IPO7: variants seen among roughly 807,000 people sequenced by gnomAD.
The protein encoded by IPO7 is importin 7.
Under a neutral mutation model 136.4 loss-of-function variants are expected in IPO7, and 13 were observed. The observed-to-expected ratio is 0.10, with a 90% CI of 0.06 to 0.15. The LOEUF is 0.15. Ranked by LOEUF, IPO7 falls within the 10% of genes least tolerant of loss-of-function variation. The probability of loss-of-function intolerance (pLI) is 1.00; values close to 1 mark genes in which losing one functional copy is unlikely to be tolerated. For missense variants in IPO7, 857 were observed against 1,240.6 expected (o/e 0.69, Z 4.65); for synonymous variants, 403 against 404.4 (o/e 1.00, Z 0.04).
intron 1 of IPO7, chr11:9,402,731 T>A (rs1854818855): frequency 6.5e-6 from 1 of 154,116 alleles, no homozygotes; most frequent in African/African-American, 2.4e-5. Context: ...ATGGTAGCGC[T>A]AGTCCCAGCT....
chr11:9,436,233 A>C (rs765370360), intron 19 of IPO7, 38 bp from the exon 20 acceptor site: 1 of 1,417,308 alleles, frequency 7.1e-7, no homozygotes, highest in Non-Finnish European at 1.0e-6. Context: ...GATTTAAAGG[A>C]TAAAGCCTTA....
At chr11:9,442,408 T>TTTG (rs1565005877) in intron 24 of IPO7, among the ~76,000 whole-genome samples, 2 of 151,984 alleles carry the variant, frequency 1.3e-5, no homozygotes, top group African/African-American at 4.8e-5. Flanking sequence ...TTTCGTTTTT[T>TTTG]TTTGTTTGTT....
At chr11:9,391,061 C>T (rs191354500) in intron 1 of IPO7, among the ~76,000 whole-genome samples, 1 of 152,138 alleles carries the variant, frequency 6.6e-6, no homozygotes, top group African/African-American at 2.4e-5. Flanking sequence ...TGAATCACAG[C>T]GCCCGGCTGC....
At chr11:9,400,862 G>C (rs1369845151) in intron 1 of IPO7, among the ~76,000 whole-genome samples, 1 of 152,098 alleles carries the variant, frequency 6.6e-6, no homozygotes, top group Non-Finnish European at 1.5e-5. Context: ...GAATGTGTTT[G>C]CAGAGTGGGG....
At chr11:9,392,660 C>G (rs1238788118) in intron 1 of IPO7, among the ~76,000 whole-genome samples, 1 of 151,942 alleles carries the variant, frequency 6.6e-6, no homozygotes. Context: ...TACAAAGTTA[C>G]AGTTTTGGCC....
At chr11:9,395,415 A>G (rs1391826860) in intron 1 of IPO7, among the ~76,000 whole-genome samples, 3 of 151,406 alleles carry the variant, frequency 2.0e-5, no homozygotes, top group East Asian at 2.0e-4. Context: ...GGTTAATTGT[A>G]TGTTTACCAG....
At chr11:9,408,143 T>C (rs1289767534) in intron 2 of IPO7, among the ~76,000 whole-genome samples, 2 of 152,206 alleles carry the variant, frequency 1.3e-5, no homozygotes, top group Non-Finnish European at 2.9e-5. Context: ...GTTTTGTCTT[T>C]AGAGGCTTCA....
intron 1 of IPO7, among the ~76,000 whole-genome samples, chr11:9,385,272 G>A (rs1461883398): frequency 6.6e-6 from 1 of 152,178 alleles, no homozygotes; most frequent in African/African-American, 2.4e-5. Flanking sequence ...AAGGGCTCCT[G>A]GGAATGCCGG....
chr11:9,414,199 T>A, intron 4 of IPO7, 56 bp from the exon 5 acceptor site: 2 of 1,276,244 alleles, frequency 1.6e-6, no homozygotes, highest in Non-Finnish European at 1.1e-6. Flanking sequence ...AGTTTAAATA[T>A]ATATACAATT....
At position 9,436,366 on chromosome 11, in the gene IPO7, G is replaced by A; in HGVS notation, c.2268G>A (p.Gln756=). 6.3e-7 allele frequency: 1 copy of A among 1,599,784 alleles called. No homozygotes were observed. Among genetic ancestry groups the A allele is most frequent in the Non-Finnish European group, 8.6e-7 (1 of 1,168,210 alleles). ...ILQCKGRGID[Q]CIPLFVEAAL... ...AGTGCAAAGGGCGTGGCATTGACCA[G>A]GTCAGTGAAGCTAATAATGATTTGT... Residue 756 remains glutamine, a splice_region_variant and synonymous_variant, in exon 20 of 25, where the codon CAG becomes CAA. Coordinates refer to ENST00000379719, the MANE Select transcript of IPO7 (RefSeq NM_006391.3).
intron 8 of IPO7, among the ~76,000 whole-genome samples, chr11:9,422,037 TG>T (rs1476039490): frequency 1.3e-5 from 2 of 152,202 alleles, no homozygotes; most frequent in Non-Finnish European, 2.9e-5. Context: ...CCCAGCACTT[TG>T]GAAGGCCATG....
intron 19 of IPO7, 120 bp from the exon 20 acceptor site, chr11:9,436,151 A>G: frequency 1.6e-6 from 1 of 638,118 alleles, no homozygotes; most frequent in Non-Finnish European, 2.8e-6. Flanking sequence ...TATTCATATT[A>G]ATTAGGGTAC....
intron 22 of IPO7, among the ~76,000 whole-genome samples, chr11:9,439,666 C>T (rs1302799422): frequency 6.6e-6 from 1 of 151,882 alleles, no homozygotes; most frequent in African/African-American, 2.4e-5. Context: ...ACCTCCGACT[C>T]CCGGGTTCAA....
chr11:9,434,948 C>T lies in IPO7; in HGVS notation c.2089C>T (p.Leu697Phe), dbSNP rs373673210. Reference sequence around the variant, plus strand: ...TATTAATACAGATATGATGCCCCTCCTTCATAATTATGTAACAGTTGATAC... The same window carrying T: ...TATTAATACAGATATGATGCCCCTCTTTCATAATTATGTAACAGTTGATAC... ...FDYFTDMMPL[L>F]HNYVTVDTDT... Residue 697 changes from leucine (L) to phenylalanine (F), a missense_variant, in exon 19 of 25, where the codon CTT becomes TTT. This residue lies in a region of IPO7 where 190 missense variants were observed against 249.0 expected (regional missense o/e 0.76). Transcript: ENST00000379719. 17 of 1,587,894 alleles carry T rather than the reference C, an allele frequency of 1.1e-5. No individual in the cohort carries two copies. The highest frequency in any genetic ancestry group is 3.3e-5 in the Admixed American group (2 of 59,962).
intron 1 of IPO7, among the ~76,000 whole-genome samples, chr11:9,390,046 G>C (rs1342438247): frequency 2.0e-5 from 3 of 152,030 alleles, no homozygotes; most frequent in African/African-American, 7.2e-5. Flanking sequence ...GTGAGCCACT[G>C]CGCCTGGCCT....
At chr11:9,411,835 AT>A (rs1468897175) in intron 4 of IPO7, among the ~76,000 whole-genome samples, 1 of 152,172 alleles carries the variant, frequency 6.6e-6, no homozygotes, top group African/African-American at 2.4e-5. Context: ...ATTAGCTTAG[AT>A]TAACAACTAG....
At chr11:9,390,504 A>G (rs1590424068) in intron 1 of IPO7, among the ~76,000 whole-genome samples, 2 of 152,352 alleles carry the variant, frequency 1.3e-5, no homozygotes, top group East Asian at 3.9e-4. Context: ...AAATTAAGCA[A>G]AATATTTTAG....
intron 1 of IPO7, among the ~76,000 whole-genome samples, chr11:9,391,165 C>G (rs539222131): frequency 1.3e-5 from 2 of 150,756 alleles, no homozygotes; most frequent in Non-Finnish European, 3.0e-5. Context: ...TTTGGGAGGC[C>G]GAGGTGGGCG....
chr11:9,429,503 C>A (rs1855262637), intron 14 of IPO7, among the ~76,000 whole-genome samples, 171 bp from the exon 15 acceptor site: 1 of 151,542 alleles, frequency 6.6e-6, no homozygotes, highest in African/African-American at 2.4e-5. Context: ...AACCCTGCCT[C>A]TTATAAAATA....
Sources: gnomAD v4.1 joint callset for allele counts (sites outside exome capture counted in the v4.1 genomes callset) on GRCh38, gnomAD v4.1.1 for gene constraint, gnomAD v4.1.1 regional missense constraint, MANE v1.5 for transcripts, NCBI Gene and HGNC (gene_info 2026-07-23, HGNC 2026-07-21) for gene names.